The following FGF13 variants were observed in gnomAD, a reference collection of about 807,000 sequenced individuals.
FGF13 encodes the protein fibroblast growth factor 13.
Under a neutral mutation model 19.5 loss-of-function variants are expected in FGF13, and 2 were observed. That is an observed-to-expected ratio of 0.10 (90% CI 0.04 to 0.32). FGF13 has a LOEUF of 0.32. Ranked by LOEUF, FGF13 falls within the 10% of genes least tolerant of loss-of-function variation. The pLI, the probability that FGF13 is intolerant of heterozygous loss-of-function variation, is 1.00. For missense variants in FGF13, 113 were observed against 192.7 expected (o/e 0.59, Z 2.45); for synonymous variants, 72 against 76.9 (o/e 0.94, Z 0.33).
intron 1 of FGF13, among the ~76,000 whole-genome samples, chrX:139,123,316 T>C (rs1267498544): frequency 1.8e-5 from 2 of 112,050 alleles, no homozygotes; most frequent in Non-Finnish European, 3.8e-5. Context: ...GTTCTTACCA[T>C]GGCTTACAAG....
At chrX:138,827,239 C>T (rs1010558889) in intron 3 of FGF13, among the ~76,000 whole-genome samples, 1 of 111,708 alleles carries the variant, frequency 9.0e-6, no homozygotes, top group Non-Finnish European at 1.9e-5. Flanking sequence ...CATGCCCTTG[C>T]GTATTGAGGG....
intron 1 of FGF13, among the ~76,000 whole-genome samples, chrX:138,908,300 G>A (rs1017165281): frequency 1.9e-5 from 2 of 107,190 alleles, no homozygotes; most frequent in African/African-American, 3.4e-5. Context: ...GGATGGTCTC[G>A]ATCTCCTGAC....
intron 1 of FGF13, among the ~76,000 whole-genome samples, chrX:138,972,436 A>G (rs1355546189): frequency 9.5e-6 from 1 of 105,597 alleles, no homozygotes; most frequent in African/African-American, 3.5e-5. Flanking sequence ...GGCTCACTAC[A>G]AGCTCTGCCT....
At chrX:138,993,724 T>G (rs2092028957) in intron 1 of FGF13, among the ~76,000 whole-genome samples, 2 of 111,998 alleles carry the variant, frequency 1.8e-5, no homozygotes, top group Admixed American at 9.5e-5. Context: ...TGATCTTAAG[T>G]GCCTTAATCT....
chrX:138,737,851 A>G (rs2090290402), intron 1 of FGF13, among the ~76,000 whole-genome samples: 1 of 112,467 alleles, frequency 8.9e-6, no homozygotes, highest in Admixed American at 9.4e-5. Context: ...TAAGCTGTCC[A>G]CCACCTGGAA....
intron 1 of FGF13, among the ~76,000 whole-genome samples, chrX:138,965,033 G>T (rs2091889415): frequency 8.9e-6 from 1 of 112,137 alleles, no homozygotes; most frequent in South Asian, 3.8e-4. Flanking sequence ...GAAGAGGCCA[G>T]CCAGCTGTTC....
At chrX:138,882,997 G>A (rs1461838999) in intron 1 of FGF13, among the ~76,000 whole-genome samples, 1 of 111,313 alleles carries the variant, frequency 9.0e-6, no homozygotes. Flanking sequence ...GCCACCACTG[G>A]CCTATGGAAT....
chrX:138,870,311 T>G (rs112945589), intron 1 of FGF13, among the ~76,000 whole-genome samples: 116 of 111,947 alleles, frequency 1.0e-3, no homozygotes, highest in African/African-American at 3.6e-3. Flanking sequence ...CACTTTTACA[T>G]ATCATTTTTA....
chrX:138,705,486 A>C (rs1373703511), intron 2 of FGF13, among the ~76,000 whole-genome samples: 1 of 112,278 alleles, frequency 8.9e-6, no homozygotes, highest in Non-Finnish European at 1.9e-5. Flanking sequence ...TTAACTATAT[A>C]GCAAAACTAT....
intron 1 of FGF13, among the ~76,000 whole-genome samples, chrX:138,958,070 G>A (rs1197424340): frequency 8.9e-6 from 1 of 112,021 alleles, no homozygotes. Flanking sequence ...ATGTTGAATA[G>A]GAGTGGTGAG....
chrX:138,931,366 A>G (rs1294430496), intron 1 of FGF13, among the ~76,000 whole-genome samples: 1 of 111,822 alleles, frequency 8.9e-6, no homozygotes. Context: ...TGCTTCTGGG[A>G]AACCTTCAAG....
chrX:139,099,753 T>A (rs2083495696), intron 1 of FGF13, among the ~76,000 whole-genome samples: 1 of 111,779 alleles, frequency 8.9e-6, no homozygotes, highest in South Asian at 3.7e-4. Flanking sequence ...CAATTTGACC[T>A]GTTTGAAACA....
At chrX:139,166,369 G>A (rs2084085760) in intron 1 of FGF13, among the ~76,000 whole-genome samples, 2 of 111,566 alleles carry the variant, frequency 1.8e-5, no homozygotes, top group Non-Finnish European at 3.8e-5. Flanking sequence ...TACCCTTTCT[G>A]CCATGATTGT....
chrX:139,016,899 T>A (rs2092155608), intron 1 of FGF13, among the ~76,000 whole-genome samples: 1 of 111,405 alleles, frequency 9.0e-6, no homozygotes, highest in Non-Finnish European at 1.9e-5. Context: ...AATGCACTGA[T>A]CTCTTTCAGT....
rs765069227 is a variant in FGF13, at chrX:138,725,478, C to T, written c.28+13764G>A. ...CTCCCTGGATCTAAGAGCCAGTGCA[C>T]GAGAAGTCAAAATGGGTCAAGAACA... On this transcript the variant is annotated intron_variant, in intron 1 of 4. Coordinates refer to the FGF13 transcript ENST00000305414. 5.4e-5 allele frequency among the ~76,000 whole-genome samples: 6 copies of T among 111,382 alleles called. No homozygotes were observed. In the South Asian group the frequency reaches 2.3e-3, roughly 42 times the overall value.
chrX:139,027,391 T>G (rs1034552829), intron 1 of FGF13, among the ~76,000 whole-genome samples: 2 of 112,394 alleles, frequency 1.8e-5, no homozygotes, highest in African/African-American at 6.5e-5. Flanking sequence ...TCTGTGCAGT[T>G]AATAAACTTT....
chrX:138,957,700 G>A (rs1014331689), intron 1 of FGF13, among the ~76,000 whole-genome samples: 2 of 111,117 alleles, frequency 1.8e-5, no homozygotes, highest in African/African-American at 6.5e-5. Flanking sequence ...CATTGAGCAG[G>A]GGTTTGTAGT....
chrX:138,864,213 A>G (rs1167570908), intron 2 of FGF13, among the ~76,000 whole-genome samples: 4 of 111,987 alleles, frequency 3.6e-5, no homozygotes, highest in Non-Finnish European at 5.6e-5. Flanking sequence ...CCAATCCTGG[A>G]AACACTTTTT....
At chrX:139,076,391 C>T (rs1193333167) in intron 1 of FGF13, among the ~76,000 whole-genome samples, 1 of 111,723 alleles carries the variant, frequency 9.0e-6, no homozygotes, top group East Asian at 2.8e-4. Context: ...TATTTGGATA[C>T]TTACTTACTT....
Sources: gnomAD v4.1 joint callset for allele counts (sites outside exome capture counted in the v4.1 genomes callset) on GRCh38, gnomAD v4.1.1 for gene constraint, MANE v1.5 for transcripts, NCBI Gene and HGNC (gene_info 2026-07-23, HGNC 2026-07-21) for gene names.